TAFA5: variants seen among roughly 807,000 people sequenced by gnomAD.
The protein encoded by TAFA5 is chemokine-like protein TAFA-5.
Under a neutral mutation model 15.3 loss-of-function variants are expected in TAFA5, and 6 were observed. That is an observed-to-expected ratio of 0.39 (90% CI 0.21 to 0.77). TAFA5 has a LOEUF of 0.77. Among genes scored for constraint, TAFA5 ranks in the 30% least tolerant of loss-of-function variants. TAFA5 has a pLI of 0.41. For synonymous variants in TAFA5, 103 were observed against 80.7 expected (o/e 1.28, Z -1.48); for missense variants, 161 against 193.1 (o/e 0.83, Z 0.98).
At chr22:48,655,743 G>C (rs73173494) in intron 2 of TAFA5, among the ~76,000 whole-genome samples, 1 of 151,782 alleles carries the variant, frequency 6.6e-6, no homozygotes, top group Admixed American at 6.6e-5. Context: ...TCCCCTGAGC[G>C]CTCTGAGCTG....
At chr22:48,699,275 T>C (rs554038820) in intron 2 of TAFA5, among the ~76,000 whole-genome samples, 126 of 152,294 alleles carry the variant, frequency 8.3e-4, no homozygotes, top group Non-Finnish European at 1.2e-3. Flanking sequence ...CTGTTGACCT[T>C]CATTGTTCTG....
At chr22:48,650,421 G>A (rs994264827) in intron 2 of TAFA5, among the ~76,000 whole-genome samples, 4 of 152,208 alleles carry the variant, frequency 2.6e-5, no homozygotes, top group Non-Finnish European at 5.9e-5. Context: ...GAGCCATGCA[G>A]TGCTGCAGGT....
chr22:48,746,590 A>G (rs1313493428), intron 3 of TAFA5, among the ~76,000 whole-genome samples: 1 of 152,206 alleles, frequency 6.6e-6, no homozygotes, highest in Non-Finnish European at 1.5e-5. Flanking sequence ...GTGTTTACAC[A>G]TGGAGAAACT....
intron 1 of TAFA5, among the ~76,000 whole-genome samples, chr22:48,563,025 C>T (rs1468810774): frequency 3.3e-5 from 5 of 152,306 alleles, no homozygotes; most frequent in African/African-American, 4.8e-5. Context: ...TGGGCTGGAC[C>T]GAGCCGCCCG....
At chr22:48,633,494 G>GTGTCTGTC (rs59459070) in intron 1 of TAFA5, among the ~76,000 whole-genome samples, 64 of 111,206 alleles carry the variant, frequency 5.8e-4, no homozygotes, top group Middle Eastern at 4.3e-3. Context: ...GCTTTGCTCT[G>GTGTCTGTC]TGTCTGTCTG....
At chr22:48,526,414 TC>T (rs1298507830) in intron 1 of TAFA5, among the ~76,000 whole-genome samples, 4 of 152,188 alleles carry the variant, frequency 2.6e-5, no homozygotes, top group African/African-American at 9.6e-5. Flanking sequence ...AGTCAAGTCT[TC>T]CAGGAGCTGT....
intron 3 of TAFA5, among the ~76,000 whole-genome samples, chr22:48,735,819 C>CCA (rs1929995125): frequency 7.6e-6 from 1 of 132,234 alleles, no homozygotes; most frequent in Non-Finnish European, 1.5e-5. Context: ...CTCCTAGAGT[C>CCA]CAGAGTCCAT....
At chr22:48,610,667 G>A (rs886473869) in intron 1 of TAFA5, among the ~76,000 whole-genome samples, 4 of 151,916 alleles carry the variant, frequency 2.6e-5, no homozygotes, top group Admixed American at 1.3e-4. Context: ...AGCTGTCAGC[G>A]TTGGGCCGTG....
intron 1 of TAFA5, among the ~76,000 whole-genome samples, chr22:48,594,743 G>A (rs559462854): frequency 3.9e-5 from 6 of 152,250 alleles, no homozygotes; most frequent in Admixed American, 6.5e-5. Flanking sequence ...AGCACTGTCT[G>A]TATTTTTAAG....
At chr22:48,603,294 G>T (rs949900406) in intron 1 of TAFA5, among the ~76,000 whole-genome samples, 2 of 152,252 alleles carry the variant, frequency 1.3e-5, no homozygotes, top group African/African-American at 4.8e-5. Flanking sequence ...ACATGGCGTT[G>T]CTGGGCCCAC....
chr22:48,591,803 G>T (rs987633375), intron 1 of TAFA5, among the ~76,000 whole-genome samples: 1 of 152,146 alleles, frequency 6.6e-6, no homozygotes, highest in Non-Finnish European at 1.5e-5. Flanking sequence ...GAGGCACTGG[G>T]CTCGCGGAAG....
intron 1 of TAFA5, among the ~76,000 whole-genome samples, chr22:48,594,611 TGCCA>T (rs1924695256): frequency 1.3e-5 from 2 of 152,218 alleles, no homozygotes; most frequent in African/African-American, 4.8e-5. Context: ...TCCCGTCGGC[TGCCA>T]GCCATCTCTG....
intron 2 of TAFA5, among the ~76,000 whole-genome samples, chr22:48,688,034 TAATG>T (rs1928418506): frequency 6.6e-6 from 1 of 152,078 alleles, no homozygotes; most frequent in Non-Finnish European, 1.5e-5. Context: ...TTACATGTCT[TAATG>T]AAATAATGAA....
chr22:48,591,530 C>T (rs1219650423), intron 1 of TAFA5, among the ~76,000 whole-genome samples: 1 of 152,246 alleles, frequency 6.6e-6, no homozygotes, highest in African/African-American at 2.4e-5. Flanking sequence ...TCTGAGGCCT[C>T]GCATTGGACA....
chr22:48,508,467 C>A (rs917921396), intron 1 of TAFA5, among the ~76,000 whole-genome samples: 1 of 152,140 alleles, frequency 6.6e-6, no homozygotes, highest in Admixed American at 6.5e-5. Flanking sequence ...GAATGAACGG[C>A]GCCATATGAG....
At chr22:48,602,832 G>A (rs890825874) in intron 1 of TAFA5, among the ~76,000 whole-genome samples, 26 of 152,136 alleles carry the variant, frequency 1.7e-4, no homozygotes, top group African/African-American at 6.0e-4. Context: ...CTTCACAGAT[G>A]GAACCTGGGC....
At chr22:48,632,861 C>T (rs950026183) in intron 1 of TAFA5, among the ~76,000 whole-genome samples, 3 of 152,178 alleles carry the variant, frequency 2.0e-5, no homozygotes, top group Admixed American at 6.5e-5. Context: ...AGTGAGGTCA[C>T]TGCTTGGCCT....
chr22:48,683,128 T>C (rs1928246947), intron 2 of TAFA5, among the ~76,000 whole-genome samples: 2 of 152,170 alleles, frequency 1.3e-5, no homozygotes, highest in Non-Finnish European at 2.9e-5. Context: ...CAATACCAGC[T>C]ACAGGGTCAC....
At chr22:48,500,839 C>T (rs1920947867) in intron 1 of TAFA5, among the ~76,000 whole-genome samples, 1 of 152,212 alleles carries the variant, frequency 6.6e-6, no homozygotes, top group Non-Finnish European at 1.5e-5. Context: ...GGGCCTGGCC[C>T]TGCTCGGGTA....
Sources: allele counts gnomAD v4.1 joint callset (sites outside exome capture counted in the v4.1 genomes callset), GRCh38; gene constraint gnomAD v4.1.1; transcripts MANE v1.5; gene names NCBI Gene and HGNC (gene_info 2026-07-23, HGNC 2026-07-21).